Variants in GPATCH2L observed in about 807,000 individuals in gnomAD.
The protein encoded by GPATCH2L is G patch domain-containing protein 2-like.
GPATCH2L carries 31 observed loss-of-function variants against 57.4 expected under a neutral mutation model. The observed-to-expected ratio is 0.54, with a 90% confidence interval of 0.41 to 0.73. The LOEUF (loss-of-function observed/expected upper bound fraction) is 0.73. GPATCH2L is among the 30% of genes least tolerant of loss of function. GPATCH2L has a pLI of 0.00. For synonymous variants in GPATCH2L, 199 were observed against 210.7 expected (o/e 0.94, Z 0.48); for missense variants, 481 against 599.9 (o/e 0.80, Z 2.07).
rs1320325793 is a variant in GPATCH2L, at chr14:76,208,658, T to C, written c.*6807T>C. On this transcript the variant is annotated 3_prime_UTR_variant, in exon 10 of 10. Transcript: ENST00000261530. ...CTGTGCCCTAGGACCTCTCCCTTGA[T>C]AAATGACTTGATCTAGCTACAGCCT... 1 of 152,596 alleles carries C rather than the reference T, an allele frequency of 6.6e-6. No individual in the cohort carries two copies. Among genetic ancestry groups the C allele is most frequent in the Admixed American group, 6.6e-5 (1 of 15,260 alleles). The allele number at this position is 152,596 out of a possible 1,614,324, so 9.5% of individuals were successfully genotyped here. A position where few individuals can be genotyped will look rare whatever the true frequency, so the allele number is the denominator to read the frequency against.
At chr14:76,155,874 C>G (rs2038283376) in intron 2 of GPATCH2L, among the ~76,000 whole-genome samples, 1 of 152,102 alleles carries the variant, frequency 6.6e-6, no homozygotes, top group Non-Finnish European at 1.5e-5. Flanking sequence ...TATTCACACC[C>G]CCTTTTCATT....
chr14:76,189,322 C>A (rs2039881589), intron 8 of GPATCH2L, among the ~76,000 whole-genome samples: 1 of 151,972 alleles, frequency 6.6e-6, no homozygotes, highest in Non-Finnish European at 1.5e-5. Flanking sequence ...AATATTGATT[C>A]TTTCAATCCA....
At chr14:76,161,179 A>G (rs574130777) in intron 2 of GPATCH2L, among the ~76,000 whole-genome samples, 1 of 152,292 alleles carries the variant, frequency 6.6e-6, no homozygotes, top group South Asian at 2.1e-4. Flanking sequence ...CTGGAAAACG[A>G]TAGAACAAAA....
intron 7 of GPATCH2L, chr14:76,179,524 A>G (rs1399760037): frequency 6.6e-6 from 1 of 152,232 alleles, no homozygotes; most frequent in Non-Finnish European, 1.5e-5. Context: ...GTTATTTGCA[A>G]ATGACGAACT....
At chr14:76,173,921 T>A (rs539512913) in intron 5 of GPATCH2L, 21 of 412,194 alleles carry the variant, frequency 5.1e-5, no homozygotes, top group Non-Finnish European at 9.0e-5. Flanking sequence ...TTTTGATTAA[T>A]GTTATGTTAT....
At chr14:76,167,862 C>A (rs1312098592) in intron 3 of GPATCH2L, among the ~76,000 whole-genome samples, 1 of 152,120 alleles carries the variant, frequency 6.6e-6, no homozygotes, top group African/African-American at 2.4e-5. Flanking sequence ...CCAATATTTG[C>A]TCTTTTTCTT....
intron 2 of GPATCH2L, among the ~76,000 whole-genome samples, chr14:76,232,034 T>TGCAGCCTC (rs2040573709): frequency 7.9e-6 from 1 of 127,214 alleles, no homozygotes. Flanking sequence ...GCTTCAGCCC[T>TGCAGCCTC]CCAAGTAGCT....
chr14:76,192,751 A>G (rs1234211561), intron 8 of GPATCH2L, among the ~76,000 whole-genome samples: 1 of 152,164 alleles, frequency 6.6e-6, no homozygotes, highest in South Asian at 2.1e-4. Context: ...AGTAGAAAGG[A>G]AATAGTCCAC....
chr14:76,165,457 A>C (rs868188926), intron 2 of GPATCH2L, among the ~76,000 whole-genome samples: 3 of 149,962 alleles, frequency 2.0e-5, no homozygotes, highest in Non-Finnish European at 4.4e-5. Flanking sequence ...GCACCACAGC[A>C]CTCCAGCCTG....
chr14:76,184,891 G>T (rs1286028398), intron 8 of GPATCH2L, among the ~76,000 whole-genome samples: 1 of 152,198 alleles, frequency 6.6e-6, no homozygotes, highest in Non-Finnish European at 1.5e-5. Flanking sequence ...TAATATGCCA[G>T]CCAGGGTTAA....
In GPATCH2L at chr14:76,206,975, G is replaced by A. The variant is rs1016029803; in HGVS notation, c.*5124G>A. 3 of 152,008 alleles carry A rather than the reference G, an allele frequency of 2.0e-5. No individual in the cohort carries two copies. Among genetic ancestry groups the A allele is most frequent in the African/African-American group, 7.3e-5 (3 of 41,372 alleles). The allele number at this position is 152,008 out of a possible 1,614,324, so 9.4% of individuals were successfully genotyped here. On this transcript the variant is annotated 3_prime_UTR_variant, in exon 10 of 10. Transcript: ENST00000261530. ...AAGATCTTTTTGAAGAATTGACAAA[G>A]GATGCTATCAAGGGCTATGTTTAGG...
chr14:76,178,027 T>G lies in GPATCH2L; in HGVS notation c.1092T>G (p.Ser364=), dbSNP rs2039408447. Reference sequence around the variant, plus strand: ...TGGCTTCTGATTTTCCTCACATTTCTGCTTGTGCACATGAGGTAAGGTTTC... The same window carrying G: ...TGGCTTCTGATTTTCCTCACATTTCGGCTTGTGCACATGAGGTAAGGTTTC... The part of the protein sequence containing the change: ...KALASDFPHI[S]ACAHEFNPLS... Residue 364 remains serine, a synonymous_variant, in exon 7 of 10, where the codon TCT becomes TCG. Transcript: ENST00000261530. 6.2e-7 allele frequency: 1 copy of G among 1,606,806 alleles called. No individual in the cohort carries two copies. The highest frequency in any genetic ancestry group is 8.5e-7 in the Non-Finnish European group (1 of 1,174,094).
intron 2 of GPATCH2L, among the ~76,000 whole-genome samples, chr14:76,160,546 A>T (rs186835912): frequency 1.3e-4 from 20 of 152,368 alleles, no homozygotes; most frequent in Admixed American, 1.3e-3. Context: ...AAGAGAAAAA[A>T]GTGTTCTTGA....
Position 76,174,565 on chromosome 14 carries a change from G to T in GPATCH2L, c.984+940G>T, listed in dbSNP as rs1012213664. 8 of 152,186 alleles carry T rather than the reference G, an allele frequency of 5.3e-5. No individual in the cohort carries two copies. In the East Asian group the frequency reaches 1.5e-3, roughly 29 times the overall value. 9.4% of individuals were successfully genotyped at this position (152,186 alleles called of 1,614,324 possible). The stretch of plus-strand genomic sequence containing the variant: ...TTTCTGAAGTTTTAAGCATGCAAAA[G>T]AAATGAGACTGTTTATTTCCAGACG... On this transcript the variant is annotated intron_variant, in intron 5 of 9. Coordinates refer to ENST00000261530, the MANE Select transcript of GPATCH2L (RefSeq NM_017926.4).
In GPATCH2L at chr14:76,208,129, G is replaced by A. The variant is rs1595005313; in HGVS notation, c.*6278G>A. On this transcript the variant is annotated 3_prime_UTR_variant, in exon 10 of 10. Coordinates refer to ENST00000261530, the MANE Select transcript of GPATCH2L (RefSeq NM_017926.4). ...GTTACTAGATATTATCAAGGTGTGA[G>A]ACTAAAAAGTTAGAAGGCTTTAAGA... 2.6e-5 allele frequency: 4 copies of A among 152,236 alleles called. No homozygotes were observed. The highest frequency in any genetic ancestry group is 2.6e-4 in the Admixed American group (4 of 15,296). The allele number at this position is 152,236 out of a possible 1,614,324, so 9.4% of individuals were successfully genotyped here.
In GPATCH2L at chr14:76,154,301, CT is replaced by C. The variant is rs2139529982; in HGVS notation, c.-10-48del. ...AACAACAGATCCTTTTTCAGGCTTT[CT>C]TTTTCTTTTTCTTTTCTTTCTTTCT... is the stretch of plus-strand genomic sequence containing the variant. On this transcript the variant is annotated intron_variant, in intron 1 of 9. Coordinates refer to ENST00000261530, the MANE Select transcript of GPATCH2L (RefSeq NM_017926.4). The surrounding 1 kb of genome is among the most constrained non-coding windows in gnomAD (Gnocchi z 4.4). 2.1e-6 allele frequency: 3 copies of C among 1,415,140 alleles called. No individual in the cohort carries two copies. The highest frequency in any genetic ancestry group is 2.8e-5 in the South Asian group (2 of 72,348). The allele number at this position is 1,415,140 out of a possible 1,614,324, so 87.7% of individuals were successfully genotyped here.
intron 8 of GPATCH2L, among the ~76,000 whole-genome samples, chr14:76,194,484 A>AGTGTGTGTGTGTGT (rs59406744): frequency 0.019 from 2,864 of 151,148 alleles, 41 homozygotes; most frequent in African/African-American, 0.042. Flanking sequence ...GAGACATGAA[A>AGTGTGTGTGTGTGT]GTGTGTGTGT....
At chr14:76,179,784 G>A (rs756384999) in intron 7 of GPATCH2L, 3 of 152,312 alleles carry the variant, frequency 2.0e-5, no homozygotes, top group Non-Finnish European at 4.4e-5. Flanking sequence ...GATCTCCTTT[G>A]ATCCTCACAG....
chr14:76,196,163 C>T, intron 9 of GPATCH2L, 191 bp downstream of exon 9: 1 of 696,956 alleles, frequency 1.4e-6, no homozygotes, highest in Non-Finnish European at 2.6e-6. Flanking sequence ...TGCTTTTTCA[C>T]TGTTACATGG....
Sources: allele counts gnomAD v4.1 joint callset (sites outside exome capture counted in the v4.1 genomes callset), GRCh38; gene constraint gnomAD v4.1.1; non-coding constraint Gnocchi (gnomAD v3.1); transcripts MANE v1.5; gene names NCBI Gene and HGNC (gene_info 2026-07-23, HGNC 2026-07-21).